Variants in KNDC1 observed in about 807,000 individuals in gnomAD.
KNDC1 encodes kinase non-catalytic C-lobe domain-containing protein 1.
In KNDC1, 106 loss-of-function variants were observed where a neutral mutation model predicts 172.8. The observed-to-expected ratio is 0.61, with a 90% CI of 0.52 to 0.72. KNDC1 has a LOEUF of 0.72. Ranked by LOEUF, KNDC1 falls within the 30% of genes least tolerant of loss-of-function variation. The pLI, the probability that KNDC1 is intolerant of heterozygous loss-of-function variation, is 0.00. For synonymous variants in KNDC1, 1,083 were observed against 1,062.2 expected, an observed-to-expected ratio of 1.02 and a Z score of -0.38; for missense variants, 2,325 against 2,394.5, an observed-to-expected ratio of 0.97 and a Z score of 0.61.
In KNDC1 at chr10:133,210,647, C is replaced by G. The variant is rs769660747; in HGVS notation, c.3831C>G (p.Leu1277=). Residue 1277 remains leucine (L), a synonymous_variant, in exon 21 of 30, where the codon CTC becomes CTG. Coordinates refer to ENST00000304613, the MANE Select transcript of KNDC1 (RefSeq NM_152643.8). ...AFLEGYVQQF[L]YTFRYFCTPH... Reference sequence around the variant, plus strand: ...TGGAGGGTTATGTGCAGCAATTCCTCTACACCTTCCGCTACTTCTGCACAC... The same window carrying G: ...TGGAGGGTTATGTGCAGCAATTCCTGTACACCTTCCGCTACTTCTGCACAC... 35 of 1,613,934 alleles carry G rather than the reference C, an allele frequency of 2.2e-5. No homozygotes were observed. Among genetic ancestry groups the G allele is most frequent in the East Asian group, 1.6e-4 (7 of 44,894 alleles).
chr10:133,189,455 G>A, intron 7 of KNDC1, 143 bp from the exon 8 acceptor site: 1 of 744,160 alleles, frequency 1.3e-6, no homozygotes, highest in Non-Finnish European at 2.2e-6. Flanking sequence ...CAGGCCATGT[G>A]CGTGCACTGG....
In KNDC1 at chr10:133,225,565, G is replaced by GC. The variant is rs1845702665; in HGVS notation, c.*681dup. ...TGGGCCTGCTCCCCCAGGGCCCAGG[G>GC]CCCCCCAGCTTAGAACAGCCCTTGG... On this transcript the variant is annotated 3_prime_UTR_variant, in exon 30 of 30. Coordinates refer to ENST00000304613, the MANE Select transcript of KNDC1 (RefSeq NM_152643.8). 1 of 152,998 alleles carries GC rather than the reference G, an allele frequency of 6.5e-6. No homozygotes were observed. The highest frequency in any genetic ancestry group is 2.1e-4 in the South Asian group (1 of 4,846). 9.5% of individuals were successfully genotyped at this position (152,998 alleles called of 1,614,324 possible).
intron 3 of KNDC1, among the ~76,000 whole-genome samples, chr10:133,174,700 A>G (rs1317628056): frequency 1.3e-5 from 2 of 148,706 alleles, no homozygotes; most frequent in African/African-American, 5.0e-5. Context: ...GTGGGTAGAT[A>G]GGTGGATGGA....
intron 3 of KNDC1, among the ~76,000 whole-genome samples, chr10:133,182,843 G>T (rs918708898): frequency 2.0e-5 from 3 of 152,208 alleles, no homozygotes; most frequent in African/African-American, 7.2e-5. Flanking sequence ...GGGCAGTGTG[G>T]GCGCAGGTGG....
rs769577824 is a variant in KNDC1, at chr10:133,197,702, C to T, written c.1840C>T (p.Leu614Phe). ...GTACCAGGAGGAAGAGACCATCAGC[C>T]TCCAAAACGCCTTCTCAGTGGTTGA... is the stretch of plus-strand genomic sequence containing the variant. Reference protein sequence around the residue: ...QVYQEEETISLQNAFSVVELK... With the variant: ...QVYQEEETISFQNAFSVVELK... The change falls in exon 12 of 30, where the codon CTC becomes TTC. Residue 614 changes from leucine (L) to phenylalanine (F), a missense_variant. Coordinates refer to ENST00000304613, the MANE Select transcript of KNDC1 (RefSeq NM_152643.8). 1.2e-6 allele frequency: 2 copies of T among 1,613,468 alleles called. No homozygotes were observed. The highest frequency in any genetic ancestry group is 1.7e-6 in the Non-Finnish European group (2 of 1,179,862).
In KNDC1 at chr10:133,200,442, C is replaced by G. The variant is rs1854329533; in HGVS notation, c.2971C>G (p.Pro991Ala). 6 of 1,589,364 alleles carry G rather than the reference C, an allele frequency of 3.8e-6. No homozygotes were observed. Among genetic ancestry groups the G allele is most frequent in the South Asian group, 3.4e-5 (3 of 87,728 alleles). ...CCCCCGCTCCCCGTCCAGCAAGAGG[C>G]CGTCGCTGCACCGCCTGGGTAAGTG... ...QSPRSPSSKR[P>A]SLHRLGKEKP... The change falls in exon 16 of 30, where the codon CCG becomes GCG. Residue 991 changes from proline to alanine, a missense_variant. Physicochemically the swap from Pro to Ala is conservative, Grantham distance 27. Transcript: ENST00000304613.
chr10:133,216,409 G>A (rs1845469756), intron 26 of KNDC1, among the ~76,000 whole-genome samples: 1 of 152,226 alleles, frequency 6.6e-6, no homozygotes, highest in Admixed American at 6.5e-5. Flanking sequence ...CGGTCGCAGT[G>A]GCTGATGCCT....
intron 3 of KNDC1, among the ~76,000 whole-genome samples, chr10:133,176,844 G>A (rs1353622832): frequency 6.6e-6 from 1 of 152,234 alleles, no homozygotes; most frequent in Admixed American, 6.5e-5. Context: ...TTGTGCTCAA[G>A]CCATTGGCCA....
At chr10:133,182,490 C>T (rs1489385975) in intron 3 of KNDC1, among the ~76,000 whole-genome samples, 1 of 150,628 alleles carries the variant, frequency 6.6e-6, no homozygotes, top group African/African-American at 2.5e-5. Context: ...CGATGTGGCC[C>T]CAGGCAGGTT....
chr10:133,212,680 G>A (rs1178217523), intron 23 of KNDC1, 36 bp from the exon 24 acceptor site: 19 of 1,589,204 alleles, frequency 1.2e-5, no homozygotes, highest in Non-Finnish European at 1.6e-5. Context: ...AGGGGACACG[G>A]AGCTTAGGCC....
Position 133,224,342 on chromosome 10 carries a change from G to A in KNDC1, c.5019-317G>A, listed in dbSNP as rs1215320620. Among the ~76,000 whole-genome samples, 7 of 152,136 alleles carry A rather than the reference G, an allele frequency of 4.6e-5. No homozygotes were observed. The highest frequency in any genetic ancestry group is 7.3e-5 in the Non-Finnish European group (5 of 68,040). ...CAGCAGAGAGTCCCTTGCCTGCCTC[G>A]TCCTCTCAGCTGCAGCCCCTGCGGC... On this transcript the variant is annotated intron_variant, in intron 29 of 29. Coordinates refer to ENST00000304613, the MANE Select transcript of KNDC1 (RefSeq NM_152643.8). The surrounding 1 kb of genome is among the most constrained non-coding windows in gnomAD (Gnocchi z 5.4).
At chr10:133,204,799 C>T (rs964478383) in intron 17 of KNDC1, among the ~76,000 whole-genome samples, 1 of 152,148 alleles carries the variant, frequency 6.6e-6, no homozygotes, top group African/African-American at 2.4e-5. Context: ...TGGACCGGCT[C>T]GCGGATGAGC....
At chr10:133,177,629 TGTG>T (rs995471092) in intron 3 of KNDC1, among the ~76,000 whole-genome samples, 5 of 151,914 alleles carry the variant, frequency 3.3e-5, no homozygotes, top group African/African-American at 1.2e-4. Context: ...CATAGTGTGT[TGTG>T]AGCATGTGTG....
At chr10:133,171,381 C>T (rs1853372366) in intron 3 of KNDC1, among the ~76,000 whole-genome samples, 1 of 151,958 alleles carries the variant, frequency 6.6e-6, no homozygotes, top group South Asian at 2.1e-4. Context: ...AGTGATCCTC[C>T]CACCTCAGCC....
chr10:133,189,696 G>T (rs770073013), intron 8 of KNDC1, 27 bp downstream of exon 8: 1 of 1,613,950 alleles, frequency 6.2e-7, no homozygotes, highest in Non-Finnish European at 8.5e-7. Context: ...CCCTCAGGCC[G>T]AGTCCAGCAC....
At chr10:133,208,110 G>C (rs1845253408) in intron 20 of KNDC1, among the ~76,000 whole-genome samples, 1 of 152,194 alleles carries the variant, frequency 6.6e-6, no homozygotes, top group South Asian at 2.1e-4. Flanking sequence ...GGTCCTCTCT[G>C]AGCAGAGGCC....
intron 3 of KNDC1, among the ~76,000 whole-genome samples, chr10:133,177,705 C>A (rs1853587412): frequency 6.6e-6 from 1 of 151,402 alleles, no homozygotes; most frequent in Non-Finnish European, 1.5e-5. Context: ...ATGTGTGTGT[C>A]CATGCATGTG....
At chr10:133,212,122 G>A (rs1261759545) in intron 23 of KNDC1, among the ~76,000 whole-genome samples, 6 of 150,630 alleles carry the variant, frequency 4.0e-5, no homozygotes, top group South Asian at 2.1e-4. Flanking sequence ...CAATCCACAC[G>A]TGCACACGCA....
At chr10:133,206,977 C>G in intron 19 of KNDC1, 24 bp downstream of exon 19, 1 of 1,603,982 alleles carries the variant, frequency 6.2e-7, no homozygotes, top group Non-Finnish European at 8.5e-7. Flanking sequence ...GGGCCCCGCT[C>G]TGCCCCGTGA....
Sources: gnomAD v4.1 joint callset for allele counts (sites outside exome capture counted in the v4.1 genomes callset) on GRCh38, gnomAD v4.1.1 for gene constraint, Gnocchi (gnomAD v3.1) non-coding constraint, MANE v1.5 for transcripts, NCBI Gene and HGNC (gene_info 2026-07-23, HGNC 2026-07-21) for gene names.